The following CSMD1 variants were observed in gnomAD, a reference collection of about 807,000 sequenced individuals.
The protein encoded by CSMD1 is CUB and Sushi multiple domains 1.
A neutral mutation model predicts 417.5 loss-of-function variants in CSMD1; 213 were observed. That is an observed-to-expected ratio of 0.51 (90% CI 0.46 to 0.57). The LOEUF (loss-of-function observed/expected upper bound fraction) is 0.57, where lower values mean the gene tolerates loss of function less well. CSMD1 is among the 20% of genes least tolerant of loss of function. The probability of loss-of-function intolerance (pLI) is 0.00; values close to 1 mark genes in which losing one functional copy is unlikely to be tolerated. For synonymous variants in CSMD1, 2,862 were observed against 1,736.8 expected (o/e 1.65, Z -16.11); for missense variants, 6,923 against 4,529.7 (o/e 1.53, Z -15.17).
intron 5 of CSMD1, among the ~76,000 whole-genome samples, chr8:3,835,964 A>G (rs1802671192): frequency 6.6e-6 from 1 of 152,114 alleles, no homozygotes. Flanking sequence ...TTTTGGATTA[A>G]GACCTTGACT....
chr8:4,982,042 G>C (rs1394953696), intron 1 of CSMD1, among the ~76,000 whole-genome samples: 1 of 152,160 alleles, frequency 6.6e-6, no homozygotes, highest in Non-Finnish European at 1.5e-5. Flanking sequence ...GCAAGGAACT[G>C]AATTCTGCCA....
chr8:4,330,480 C>A (rs1166916639), intron 3 of CSMD1, among the ~76,000 whole-genome samples: 1 of 151,618 alleles, frequency 6.6e-6, no homozygotes, highest in South Asian at 2.1e-4. Context: ...AACCCAGCTA[C>A]TTAGGAGGCT....
chr8:3,087,819 A>G (rs1814652789), intron 48 of CSMD1, among the ~76,000 whole-genome samples: 1 of 152,250 alleles, frequency 6.6e-6, no homozygotes, highest in Non-Finnish European at 1.5e-5. Context: ...TTACTGACTT[A>G]AATAAGCACA....
intron 26 of CSMD1, among the ~76,000 whole-genome samples, chr8:3,250,098 T>A (rs925261783): frequency 3.0e-4 from 45 of 152,360 alleles, no homozygotes; most frequent in African/African-American, 7.5e-4. Flanking sequence ...AGGGTACATG[T>A]GCACAACGTG....
At chr8:4,525,487 T>A (rs1319207663) in intron 2 of CSMD1, among the ~76,000 whole-genome samples, 2 of 152,188 alleles carry the variant, frequency 1.3e-5, no homozygotes, top group Admixed American at 1.3e-4. Context: ...TGATTTGTCG[T>A]AAGAGCAATT....
chr8:3,716,497 T>A (rs1481875937), intron 6 of CSMD1, among the ~76,000 whole-genome samples: 1 of 152,202 alleles, frequency 6.6e-6, no homozygotes, highest in East Asian at 1.9e-4. Context: ...TCGTAAACTG[T>A]AAACTGTCAT....
In CSMD1 at chr8:3,297,059, G is replaced by A. The variant is rs542629584; in HGVS notation, c.3950+10636C>T. Reference sequence around the variant, plus strand: ...GAGGACTATGGATTCTGAAGTACCTGGTCACATATGTTTGCCATTAAGCAG... The same window carrying A: ...GAGGACTATGGATTCTGAAGTACCTAGTCACATATGTTTGCCATTAAGCAG... On this transcript the variant is annotated intron_variant, in intron 25 of 69. Transcript: ENST00000635120. 9.2e-5 allele frequency among the ~76,000 whole-genome samples: 14 copies of A among 152,276 alleles called. 1 individual carries two copies. The South Asian group carries it at 2.9e-3, about 32-fold the overall frequency.
chr8:4,281,165 G>A (rs1252071139), intron 3 of CSMD1, among the ~76,000 whole-genome samples: 2 of 152,096 alleles, frequency 1.3e-5, no homozygotes, highest in South Asian at 2.1e-4. Context: ...CCCACTGATG[G>A]TTTTCAGGTC....
intron 1 of CSMD1, among the ~76,000 whole-genome samples, chr8:4,850,174 G>C (rs1278547094): frequency 6.6e-6 from 1 of 152,092 alleles, no homozygotes; most frequent in African/African-American, 2.4e-5. Flanking sequence ...TTTGTAAAAT[G>C]TATATGAAGA....
At chr8:3,184,193 C>T (rs1330123224) in intron 36 of CSMD1, among the ~76,000 whole-genome samples, 1 of 152,128 alleles carries the variant, frequency 6.6e-6, no homozygotes, top group Non-Finnish European at 1.5e-5. Context: ...ATGTTCGTTC[C>T]TTCTCCTTTG....
At chr8:4,848,715 T>G (rs573897806) in intron 1 of CSMD1, among the ~76,000 whole-genome samples, 171 of 152,236 alleles carry the variant, frequency 1.1e-3, no homozygotes, top group African/African-American at 3.9e-3. Flanking sequence ...AATTTTTGTA[T>G]ATTTTTATAG....
intron 55 of CSMD1, among the ~76,000 whole-genome samples, chr8:2,978,026 A>G (rs1357966097): frequency 6.6e-6 from 1 of 152,196 alleles, no homozygotes. Flanking sequence ...CGATTCCTCA[A>G]AGACCTAGAA....
chr8:2,983,450 T>G (rs1227045655), intron 54 of CSMD1, among the ~76,000 whole-genome samples: 2 of 152,222 alleles, frequency 1.3e-5, no homozygotes, highest in Admixed American at 1.3e-4. Context: ...CCTCCCAAAG[T>G]GCCGGGATTG....
At chr8:3,407,358 A>C (rs1316613563) in intron 14 of CSMD1, among the ~76,000 whole-genome samples, 1 of 151,726 alleles carries the variant, frequency 6.6e-6, no homozygotes, top group African/African-American at 2.4e-5. Context: ...GGATGGATGG[A>C]AAGATGGATA....
chr8:3,127,509 C>T (rs1358257440), intron 41 of CSMD1: 1 of 152,088 alleles, frequency 6.6e-6, no homozygotes, highest in Non-Finnish European at 1.5e-5. Context: ...ATTGCTTGTT[C>T]TTCTAAAGGG....
chr8:4,101,065 C>G (rs565652523), intron 3 of CSMD1, among the ~76,000 whole-genome samples: 14 of 152,108 alleles, frequency 9.2e-5, no homozygotes, highest in African/African-American at 3.4e-4. Context: ...ATGCCAGAGA[C>G]GAGACGGCGC....
rs1480910565 is a variant in CSMD1 at position 4,776,593 on chromosome 8, CG to C, written c.86-139036del. On this transcript the variant is annotated intron_variant, in intron 1 of 69. Transcript: ENST00000635120. ...TTCTCCACTTCTGCATAAACGTTCGCGTTCAATGATACCTCCAGGTACTATC... is the reference window on the plus strand; with the variant it reads ...TTCTCCACTTCTGCATAAACGTTCGCTTCAATGATACCTCCAGGTACTATC... Among the ~76,000 whole-genome samples the C allele has an allele frequency of 2.6e-5, 4 of 152,192 alleles. No homozygotes were observed. The East Asian group carries it at 5.8e-4, about 22-fold the overall frequency.
rs995357619 is a variant in CSMD1, at chr8:4,416,710, T to G, written c.415+3243A>C. 4.6e-5 allele frequency among the ~76,000 whole-genome samples: 7 copies of G among 152,112 alleles called. No homozygotes were observed. The South Asian group carries it at 1.2e-3, about 27-fold the overall frequency. Reference sequence around the variant, plus strand: ...ACCGTGTATCACCCAGTCCGTATATTTTCTTCAATGTCCTCAAGTCTAATA... The same window carrying G: ...ACCGTGTATCACCCAGTCCGTATATGTTCTTCAATGTCCTCAAGTCTAATA... On this transcript the variant is annotated intron_variant, in intron 3 of 69. Transcript: ENST00000635120.
intron 3 of CSMD1, among the ~76,000 whole-genome samples, chr8:4,314,820 C>G (rs1585214894): frequency 6.6e-6 from 1 of 152,090 alleles, no homozygotes; most frequent in Admixed American, 6.5e-5. Context: ...AGGAAAAGGG[C>G]AAAGGATTTT....
Sources: gnomAD v4.1 joint callset for allele counts (sites outside exome capture counted in the v4.1 genomes callset) on GRCh38, gnomAD v4.1.1 for gene constraint, MANE v1.5 for transcripts, NCBI Gene and HGNC (gene_info 2026-07-23, HGNC 2026-07-21) for gene names.